The following HMGXB3 variants were observed in gnomAD, a reference collection of about 807,000 sequenced individuals.
HMGXB3 encodes HMG domain-containing protein 3.
HMGXB3 carries 45 observed loss-of-function variants against 121.5 expected under a neutral mutation model. That is an observed-to-expected ratio of 0.37 (90% CI 0.29 to 0.47). HMGXB3 has a LOEUF of 0.47. Among genes scored for constraint, HMGXB3 ranks in the 20% least tolerant of loss-of-function variants. The pLI is 0.99. For missense variants in HMGXB3, 1,376 were observed against 1,602.2 expected (o/e 0.86, Z 2.41); for synonymous variants, 590 against 624.1 (o/e 0.95, Z 0.81).
At chr5:150,018,752 T>A in intron 6 of HMGXB3, 55 bp downstream of exon 6, 3 of 1,480,208 alleles carry the variant, frequency 2.0e-6, no homozygotes, top group Non-Finnish European at 2.7e-6. Context: ...GACTTTCTGT[T>A]TGCCATTAGG....
At chr5:150,034,156 C>A (rs189263766) in intron 11 of HMGXB3, among the ~76,000 whole-genome samples, 55 of 152,332 alleles carry the variant, frequency 3.6e-4, no homozygotes, top group Admixed American at 2.9e-3. Context: ...TCATCAGATT[C>A]TCTTGCTCCA....
chr5:150,012,401 A>AT (rs747271231), intron 5 of HMGXB3, 48 bp downstream of exon 5: 34 of 1,264,410 alleles, frequency 2.7e-5, no homozygotes, highest in Middle Eastern at 1.8e-4. Context: ...TGTCATAAGC[A>AT]TTTTTTTTCT....
Position 150,001,096 on chromosome 5 carries a change from G to C in HMGXB3, c.-86G>C, listed in dbSNP as rs1261189112. On this transcript the variant is annotated 5_prime_UTR_variant, in exon 1 of 20. Coordinates refer to ENST00000502717, the MANE Select transcript of HMGXB3 (RefSeq NM_014983.3). ...GCCTCTCGCCGACAGCGGGGAGCGC[G>C]AGTGCGCCAGCCATCCCCCTCGTCC... 6.5e-6 allele frequency: 1 copy of C among 154,240 alleles called. No homozygotes were observed. The highest frequency in any genetic ancestry group is 2.4e-5 in the African/African-American group (1 of 41,528). The allele number at this position is 154,240 out of a possible 1,614,324, so 9.6% of individuals were successfully genotyped here. A position where few individuals can be genotyped will look rare whatever the true frequency, so the allele number is the denominator to read the frequency against.
chr5:150,034,638 C>T (rs191350408), intron 11 of HMGXB3, among the ~76,000 whole-genome samples: 119 of 152,306 alleles, frequency 7.8e-4, no homozygotes, highest in African/African-American at 2.7e-3. Flanking sequence ...ATCTGCAGAC[C>T]TTCCATCACT....
rs1755539737 is a variant in HMGXB3 at position 150,000,790 on chromosome 5, TG to T, written c.-391del. On this transcript the variant is annotated 5_prime_UTR_variant, in exon 1 of 20. Coordinates refer to ENST00000502717, the MANE Select transcript of HMGXB3 (RefSeq NM_014983.3). The stretch of plus-strand genomic sequence containing the variant: ...TGCAGCCGCCAAACCGGTGCCTCGG[TG>T]ACGACCGTGTCCCTGCCGTCTTCCT... 1 of 154,604 alleles carries T rather than the reference TG, an allele frequency of 6.5e-6. No homozygotes were observed. The highest frequency in any genetic ancestry group is 2.4e-5 in the African/African-American group (1 of 41,478). The allele number at this position is 154,604 out of a possible 1,614,324, so 9.6% of individuals were successfully genotyped here.
intron 1 of HMGXB3, among the ~76,000 whole-genome samples, chr5:150,002,512 A>G (rs1357908391): frequency 1.3e-5 from 2 of 152,172 alleles, no homozygotes; most frequent in African/African-American, 4.8e-5. Context: ...ATTTACCACC[A>G]CAACTGCCTC....
chr5:150,040,971 G>A (rs1271468618), intron 14 of HMGXB3, 92 bp downstream of exon 14: 3 of 1,190,792 alleles, frequency 2.5e-6, no homozygotes, highest in Non-Finnish European at 3.4e-6. Flanking sequence ...TCATTTTGAA[G>A]AAGAGTCTGA....
intron 2 of HMGXB3, 135 bp from the exon 3 acceptor site, chr5:150,006,338 C>G (rs983552327): frequency 1.7e-6 from 1 of 592,564 alleles, no homozygotes; most frequent in Non-Finnish European, 2.8e-6. Flanking sequence ...AACCTCTTGA[C>G]TACCCATATC....
At chr5:150,045,296 G>A (rs1002606965) in intron 15 of HMGXB3, among the ~76,000 whole-genome samples, 170 bp from the exon 16 acceptor site, 1 of 152,188 alleles carries the variant, frequency 6.6e-6, no homozygotes, top group African/African-American at 2.4e-5. Flanking sequence ...GTGACCAAAA[G>A]GCAGGTGGGT....
intron 3 of HMGXB3, 132 bp from the exon 4 acceptor site, chr5:150,009,978 GA>G (rs1209626236): frequency 1.1e-6 from 1 of 949,786 alleles, no homozygotes; most frequent in African/African-American, 1.7e-5. Context: ...TAGGTCAAGA[GA>G]GTAGAGTTTT....
In HMGXB3 at chr5:150,047,567, C is replaced by T. The variant is rs1185458879; in HGVS notation, c.2951-57C>T. 3.9e-6 allele frequency: 6 copies of T among 1,546,632 alleles called. No individual in the cohort carries two copies. In the African/African-American group the frequency reaches 6.8e-5, roughly 18 times the overall value. On this transcript the variant is annotated intron_variant, in intron 16 of 19. Coordinates refer to ENST00000502717, the MANE Select transcript of HMGXB3 (RefSeq NM_014983.3). ...CTGTTTGCTGTTTTGTGGGCCTAGC[C>T]TTGGCCTCTGGTGACTGGCGGCAGC...
At chr5:150,017,784 GT>G (rs1377453357) in intron 5 of HMGXB3, among the ~76,000 whole-genome samples, 1 of 152,116 alleles carries the variant, frequency 6.6e-6, no homozygotes, top group Non-Finnish European at 1.5e-5. Context: ...AGAGAAATGG[GT>G]TTTTTTCCAG....
chr5:150,005,982 G>A (rs1470805906), intron 2 of HMGXB3, among the ~76,000 whole-genome samples: 1 of 152,138 alleles, frequency 6.6e-6, no homozygotes, highest in East Asian at 1.9e-4. Context: ...TTTGCTTCCA[G>A]GTTTCTGAAG....
In HMGXB3 at chr5:150,040,761, G is replaced by A. The variant is rs1756612362; in HGVS notation, c.2427G>A (p.Val809=). The change falls in exon 14 of 20, where the codon GTG becomes GTA. Residue 809 remains valine (V), a synonymous_variant. Transcript: ENST00000502717. ...CTTAACCTGCAGGTCTCTTTAATGTGGGGAACAAGCTGCTGGTAAGCCTGG... is the reference window on the plus strand; with the variant it reads ...CTTAACCTGCAGGTCTCTTTAATGTAGGGAACAAGCTGCTGGTAAGCCTGG... ...FIDIYTGLFN[V]GNKLLVSLDL... 2 of 1,551,464 alleles carry A rather than the reference G, an allele frequency of 1.3e-6. No individual in the cohort carries two copies. Among genetic ancestry groups the A allele is most frequent in the Non-Finnish European group, 8.7e-7 (1 of 1,146,922 alleles).
intron 4 of HMGXB3, 67 bp downstream of exon 4, chr5:150,010,675 A>G (rs959977921): frequency 7.0e-7 from 1 of 1,425,680 alleles, no homozygotes; most frequent in African/African-American, 1.4e-5. Flanking sequence ...CTAGCACCAT[A>G]CAGTGTGATT....
At position 150,052,202 on chromosome 5, in the gene HMGXB3, T is replaced by C. The variant is rs377162827; in HGVS notation, c.*10T>C. On this transcript the variant is annotated 3_prime_UTR_variant, in exon 20 of 20. Coordinates refer to ENST00000502717, the MANE Select transcript of HMGXB3 (RefSeq NM_014983.3). ...CGCAGTGGCAGAATAAGCCAGGCTG[T>C]TGTACAGGGACTACACCATCTCTCA... 301 of 1,528,042 alleles carry C rather than the reference T, an allele frequency of 2.0e-4. 2 individuals carry two copies. In the African/African-American group the frequency reaches 3.4e-3, roughly 17 times the overall value. The allele number at this position is 1,528,042 out of a possible 1,614,324, so 94.7% of individuals were successfully genotyped here. A position where few individuals can be genotyped will look rare whatever the true frequency, so the allele number is the denominator to read the frequency against.
intron 1 of HMGXB3, among the ~76,000 whole-genome samples, chr5:150,003,177 A>G (rs1268247553): frequency 2.0e-5 from 3 of 152,150 alleles, no homozygotes; most frequent in Non-Finnish European, 4.4e-5. Context: ...AACTAATTCA[A>G]TTCTTCAGTC....
chr5:150,040,641 T>G, intron 13 of HMGXB3, 107 bp from the exon 14 acceptor site: 3 of 1,123,474 alleles, frequency 2.7e-6, no homozygotes, highest in Non-Finnish European at 3.7e-6. Flanking sequence ...TCCTCCCAAG[T>G]GCCTGCAACT....
At chr5:150,041,653 G>C in intron 14 of HMGXB3, 132 bp from the exon 15 acceptor site, 1 of 673,942 alleles carries the variant, frequency 1.5e-6, no homozygotes, top group South Asian at 1.9e-5. Context: ...CCTCAGGGTA[G>C]GTAGTACACT....
Sources: allele counts gnomAD v4.1 joint callset (sites outside exome capture counted in the v4.1 genomes callset), GRCh38; gene constraint gnomAD v4.1.1; transcripts MANE v1.5; gene names NCBI Gene and HGNC (gene_info 2026-07-23, HGNC 2026-07-21).